Variants in KLRB1 observed in about 807,000 individuals in gnomAD.
KLRB1 encodes the protein killer cell lectin-like receptor subfamily B member 1.
In KLRB1, 27 loss-of-function variants were observed where a neutral mutation model predicts 33.5. The observed-to-expected ratio is 0.81, with a 90% CI of 0.59 to 1.11. The LOEUF (loss-of-function observed/expected upper bound fraction) is 1.11. KLRB1 is among the 50% of genes most tolerant of loss of function. The probability of loss-of-function intolerance (pLI) is 0.00; values close to 1 mark genes in which losing one functional copy is unlikely to be tolerated. For synonymous variants in KLRB1, 64 were observed against 88.9 expected, an observed-to-expected ratio of 0.72 and a Z score of 1.58; for missense variants, 241 against 254.1, an observed-to-expected ratio of 0.95 and a Z score of 0.35.
At chr12:9,601,640 A>ACAAC (rs2120715407) in intron 1 of KLRB1, 41 bp from the exon 2 acceptor site, 8 of 1,452,196 alleles carry the variant, frequency 5.5e-6, no homozygotes, top group Non-Finnish European at 6.7e-6. Flanking sequence ...AAACAAACAA[A>ACAAC]CGAAACAAAA....
chr12:9,596,092 T>A (rs993811124), intron 5 of KLRB1, among the ~76,000 whole-genome samples: 2 of 152,138 alleles, frequency 1.3e-5, no homozygotes, highest in African/African-American at 4.8e-5. Context: ...AGGGACAGGC[T>A]GTATTGGGGT....
rs1453164700 is a variant in KLRB1, at chr12:9,595,184, G to A, written c.*90C>T. 9.4e-6 allele frequency: 10 copies of A among 1,058,832 alleles called. No homozygotes were observed. Among genetic ancestry groups the A allele is most frequent in the Non-Finnish European group, 1.4e-5 (10 of 712,552 alleles). 65.6% of individuals were successfully genotyped at this position (1,058,832 alleles called of 1,614,324 possible). A position where few individuals can be genotyped will look rare whatever the true frequency, so the allele number is the denominator to read the frequency against. ...AATTGTTCACTTTGTGCCACTAAATGTGGCACTATTAGGTAGTACCAATAG... is the reference window on the plus strand; with the variant it reads ...AATTGTTCACTTTGTGCCACTAAATATGGCACTATTAGGTAGTACCAATAG... On this transcript the variant is annotated 3_prime_UTR_variant, in exon 6 of 6. Coordinates refer to ENST00000229402, the MANE Select transcript of KLRB1 (RefSeq NM_002258.3).
intron 1 of KLRB1, among the ~76,000 whole-genome samples, chr12:9,607,378 T>TTCTTTCTTTCTTTCTC (rs1565444679): frequency 1.4e-3 from 133 of 93,030 alleles, no homozygotes; most frequent in South Asian, 2.3e-3. Flanking sequence ...CTTTCTTTCT[T>TTCTTTCTTTCTTTCTC]TCTTTCTTTC....
At position 9,607,355 on chromosome 12, in the gene KLRB1, C is replaced by CCTTTCTTTCTTT. The variant is rs1184053974; in HGVS notation, c.85+388_85+399dup. On this transcript the variant is annotated intron_variant, in intron 1 of 5. Coordinates refer to ENST00000229402, the MANE Select transcript of KLRB1 (RefSeq NM_002258.3). ...TCTTTCCTTTCTTTCTTTCTTTCTT[C>CCTTTCTTTCTTT]CTTTCTTTCTTTCTTTCTTTCTTTC... Among the ~76,000 whole-genome samples, 339 of 52,732 alleles carry CCTTTCTTTCTTT rather than the reference C, an allele frequency of 6.4e-3. 11 individuals carry two copies. The highest frequency in any genetic ancestry group is 0.032 in the East Asian group (32 of 990). The allele number at this position is 52,732 out of a possible 152,430, so 34.6% of individuals were successfully genotyped here. A position where few individuals can be genotyped will look rare whatever the true frequency, so the allele number is the denominator to read the frequency against.
At chr12:9,607,343 T>TCTTCCTTCCTTCCTTC (rs1402075077) in intron 1 of KLRB1, among the ~76,000 whole-genome samples, 26 of 68,108 alleles carry the variant, frequency 3.8e-4, no homozygotes, top group African/African-American at 1.1e-3. Context: ...TTCCTTTCTT[T>TCTTCCTTCCTTCCTTC]CTTTCTTTCT....
intron 5 of KLRB1, among the ~76,000 whole-genome samples, chr12:9,596,368 T>G (rs1280022937): frequency 6.6e-6 from 1 of 152,192 alleles, no homozygotes; most frequent in East Asian, 1.9e-4. Context: ...ATCAGGGTAA[T>G]TTTTTTAAAT....
In KLRB1 at chr12:9,602,981, C is replaced by T. The variant is rs766133997; in HGVS notation, c.86-1382G>A. Among the ~76,000 whole-genome samples, 159 of 152,246 alleles carry T rather than the reference C, an allele frequency of 1.0e-3. 1 individual carries two copies. Among genetic ancestry groups the T allele is most frequent in the Middle Eastern group, 3.4e-3 (1 of 294 alleles). On this transcript the variant is annotated intron_variant, in intron 1 of 5. Transcript: ENST00000229402. ...ATAAGTGAATCAGCTCTCTCTAAAA[C>T]GGCCCTGAGGAGATAGAATTTAGTA...
chr12:9,598,196 A>G, intron 4 of KLRB1, 35 bp from the exon 5 acceptor site: 1 of 1,352,286 alleles, frequency 7.4e-7, no homozygotes, highest in Non-Finnish European at 1.1e-6. Context: ...GAATCTGCTT[A>G]TCTATTCCTG....
chr12:9,598,206 G>T, intron 4 of KLRB1, 45 bp from the exon 5 acceptor site: 1 of 1,272,730 alleles, frequency 7.9e-7, no homozygotes, highest in Non-Finnish European at 1.1e-6. Flanking sequence ...ATCTATTCCT[G>T]GTTTGATCCC....
At chr12:9,605,965 A>G (rs1864594446) in intron 1 of KLRB1, among the ~76,000 whole-genome samples, 1 of 152,096 alleles carries the variant, frequency 6.6e-6, no homozygotes, top group Non-Finnish European at 1.5e-5. Context: ...CCCACTTTCC[A>G]CCTTTTGCTA....
rs1188705968 is a variant in KLRB1, at chr12:9,606,756, A to ATTTTTTT, written c.85+998_85+999insAAAAAAA. Among the ~76,000 whole-genome samples, 45 of 31,528 alleles carry ATTTTTTT rather than the reference A, an allele frequency of 1.4e-3. 4 individuals are homozygous for ATTTTTTT. The highest frequency in any genetic ancestry group is 2.0e-3 in the Admixed American group (4 of 1,972). The allele number at this position is 31,528 out of a possible 152,430, so 20.7% of individuals were successfully genotyped here. A position where few individuals can be genotyped will look rare whatever the true frequency, so the allele number is the denominator to read the frequency against. On this transcript the variant is annotated intron_variant, in intron 1 of 5. Coordinates refer to ENST00000229402, the MANE Select transcript of KLRB1 (RefSeq NM_002258.3). ...AAAGTATATATATATATATATATAT[A>ATTTTTTT]TATATTTTTTTTTTTTTTTTGAGAT...
chr12:9,603,235 C>T (rs956318646), intron 1 of KLRB1, among the ~76,000 whole-genome samples: 11 of 152,104 alleles, frequency 7.2e-5, no homozygotes, highest in Non-Finnish European at 1.3e-4. Context: ...TGGTGTGATA[C>T]AAGAATGTCT....
chr12:9,607,382 T>TTCTTTCTCTCTC lies in KLRB1; in HGVS notation c.85+372_85+373insGAGAGAGAAAGA, dbSNP rs1555097841. Reference sequence around the variant, plus strand: ...TTTCTTTCTTTCTTTCTTTCTTTCTTTCTTTCTTTCTTTCTTTCTTTCTTT... The same window carrying TTCTTTCTCTCTC: ...TTTCTTTCTTTCTTTCTTTCTTTCTTTCTTTCTCTCTCTCTTTCTTTCTTTCTTTCTTTCTTT... On this transcript the variant is annotated intron_variant, in intron 1 of 5. Coordinates refer to ENST00000229402, the MANE Select transcript of KLRB1 (RefSeq NM_002258.3). 4.2e-5 allele frequency among the ~76,000 whole-genome samples: 4 copies of TTCTTTCTCTCTC among 94,292 alleles called. 1 individual carries two copies. The highest frequency in any genetic ancestry group is 7.2e-5 in the Non-Finnish European group (3 of 41,594). The allele number at this position is 94,292 out of a possible 152,430, so 61.9% of individuals were successfully genotyped here.
chr12:9,597,761 A>C (rs915323511), intron 5 of KLRB1, among the ~76,000 whole-genome samples: 7 of 152,308 alleles, frequency 4.6e-5, no homozygotes, highest in Admixed American at 1.3e-4. Context: ...GTCTCCAGAT[A>C]ATCACTATTT....
At chr12:9,595,958 G>A (rs1185265815) in intron 5 of KLRB1, among the ~76,000 whole-genome samples, 1 of 152,158 alleles carries the variant, frequency 6.6e-6, no homozygotes, top group Non-Finnish European at 1.5e-5. Context: ...TGTAGTCAGA[G>A]GTTCCTTTCA....
At chr12:9,596,792 C>A (rs780834584) in intron 5 of KLRB1, among the ~76,000 whole-genome samples, 17 of 152,206 alleles carry the variant, frequency 1.1e-4, no homozygotes, top group African/African-American at 4.1e-4. Flanking sequence ...CACACACAAA[C>A]TATACTTAAT....
intron 2 of KLRB1, among the ~76,000 whole-genome samples, chr12:9,600,430 A>G (rs1375875328): frequency 2.6e-5 from 4 of 152,152 alleles, no homozygotes; most frequent in African/African-American, 9.7e-5. Context: ...CATTGATTTT[A>G]CACTAAGATT....
intron 3 of KLRB1, 50 bp from the exon 4 acceptor site, chr12:9,598,703 C>T (rs772355030): frequency 7.5e-7 from 1 of 1,334,418 alleles, no homozygotes; most frequent in Non-Finnish European, 1.1e-6. Flanking sequence ...TCTAACCTAT[C>T]CCTGACACAC....
At chr12:9,601,015 C>T (rs1297262466) in intron 2 of KLRB1, among the ~76,000 whole-genome samples, 2 of 138,650 alleles carry the variant, frequency 1.4e-5, no homozygotes, top group Admixed American at 7.6e-5. Context: ...CGATTGTATG[C>T]TCCATCTACT....
Sources: allele counts gnomAD v4.1 joint callset (sites outside exome capture counted in the v4.1 genomes callset), GRCh38; gene constraint gnomAD v4.1.1; transcripts MANE v1.5; gene names NCBI Gene and HGNC (gene_info 2026-07-23, HGNC 2026-07-21).